The following ZNF100 variants were observed in gnomAD, a reference collection of about 807,000 sequenced individuals.
The protein encoded by ZNF100 is zinc finger protein 100 (Y1).
ZNF100 carries 12 observed loss-of-function variants against 15.8 expected under a neutral mutation model. The observed-to-expected ratio is 0.76, with a 90% CI of 0.49 to 1.23. The LOEUF (loss-of-function observed/expected upper bound fraction) is 1.23, where lower values mean the gene tolerates loss of function less well. Among genes scored for constraint, ZNF100 ranks in the 50% most tolerant of loss-of-function variants. The pLI is 0.00. For synonymous variants in ZNF100, 226 were observed against 214.8 expected, an observed-to-expected ratio of 1.05 and a Z score of -0.45; for missense variants, 670 against 635.6, an observed-to-expected ratio of 1.05 and a Z score of -0.58.
At chr19:21,739,416 C>T (rs1293212804) in intron 4 of ZNF100, among the ~76,000 whole-genome samples, 5 of 152,070 alleles carry the variant, frequency 3.3e-5, no homozygotes, top group African/African-American at 1.2e-4. Context: ...ATTAGCCAGG[C>T]ATGGTAGTGC....
intron 4 of ZNF100, among the ~76,000 whole-genome samples, chr19:21,737,621 A>G (rs1447828979): frequency 6.6e-6 from 1 of 152,178 alleles, no homozygotes; most frequent in East Asian, 1.9e-4. Flanking sequence ...TAAACTGGAA[A>G]ATCTAGAAGA....
At position 21,726,880 on chromosome 19, in the gene ZNF100, T is replaced by C. The variant is rs1381740947; in HGVS notation, c.1432A>G (p.Ile478Val). 4 of 1,613,262 alleles carry C rather than the reference T, an allele frequency of 2.5e-6. No homozygotes were observed. The highest frequency in any genetic ancestry group is 2.7e-5 in the African/African-American group (2 of 74,886). The change falls in exon 5 of 5, where the codon ATT becomes GTT. Residue 478 changes from isoleucine (I) to valine (V), a missense_variant. Ile to Val is a conservative substitution (Grantham distance 29, BLOSUM62 3). Transcript: ENST00000358296. The stretch of plus-strand genomic sequence containing the variant: ...TTGTAGGGTTTCTCTCCAGTATGAA[T>C]CATCTTATGTGCAGTTAGTTGTGAG... ...RSSQLTAHKM[I>V]HTGEKPYKCE...
intron 4 of ZNF100, among the ~76,000 whole-genome samples, chr19:21,732,850 T>A (rs2035943488): frequency 6.6e-6 from 1 of 152,060 alleles, no homozygotes; most frequent in African/African-American, 2.4e-5. Flanking sequence ...AAAATTATTT[T>A]ACTTCAAAAA....
At chr19:21,738,618 G>C (rs1178494446) in intron 4 of ZNF100, among the ~76,000 whole-genome samples, 2 of 152,106 alleles carry the variant, frequency 1.3e-5, no homozygotes, top group African/African-American at 4.8e-5. Context: ...CATATACAGA[G>C]AATGGAAACT....
chr19:21,741,885 C>G (rs1345133417), intron 4 of ZNF100, among the ~76,000 whole-genome samples: 1 of 152,032 alleles, frequency 6.6e-6, no homozygotes, highest in South Asian at 2.1e-4. Context: ...CCTGTGTTGC[C>G]CTGGCTGGTC....
intron 4 of ZNF100, among the ~76,000 whole-genome samples, chr19:21,729,722 T>G (rs1304388202): frequency 6.6e-6 from 1 of 152,122 alleles, no homozygotes; most frequent in Admixed American, 6.6e-5. Context: ...ATCATAATGG[T>G]GCAGAAAACA....
intron 4 of ZNF100, among the ~76,000 whole-genome samples, chr19:21,739,648 A>C (rs1385257352): frequency 6.6e-6 from 1 of 152,180 alleles, no homozygotes; most frequent in Non-Finnish European, 1.5e-5. Context: ...TTAAAAGCAA[A>C]AGTAAAACTG....
At chr19:21,731,021 A>G (rs2035907348) in intron 4 of ZNF100, among the ~76,000 whole-genome samples, 1 of 152,164 alleles carries the variant, frequency 6.6e-6, no homozygotes, top group Non-Finnish European at 1.5e-5. Context: ...CAACAACCCC[A>G]AAAGTATATA....
chr19:21,759,050 T>C (rs1220832107), intron 2 of ZNF100, among the ~76,000 whole-genome samples: 1 of 152,170 alleles, frequency 6.6e-6, no homozygotes, highest in East Asian at 1.9e-4. Flanking sequence ...TCTGACACCA[T>C]GCAGAGTCAG....
Position 21,756,754 on chromosome 19 carries a change from G to A in ZNF100, c.96+8940C>T, listed in dbSNP as rs141928502. On this transcript the variant is annotated intron_variant, in intron 2 of 4. Transcript: ENST00000358296. ...AACTTAACTATTTTAAAATTTATAT[G>A]GAACTAAAATAAGCCTGAATAGCCA... is the stretch of plus-strand genomic sequence containing the variant. 3.5e-3 allele frequency among the ~76,000 whole-genome samples: 527 copies of A among 152,190 alleles called. 6 individuals are homozygous for A. Among genetic ancestry groups the A allele is most frequent in the African/African-American group, 0.012 (508 of 41,522 alleles).
intron 2 of ZNF100, among the ~76,000 whole-genome samples, chr19:21,754,243 A>G (rs1841580089): frequency 6.6e-6 from 1 of 152,108 alleles, no homozygotes; most frequent in Admixed American, 6.5e-5. Flanking sequence ...CCTCAAAAAA[A>G]AAACAACAAA....
chr19:21,750,651 G>A (rs1463946889), intron 2 of ZNF100: 10 of 208,138 alleles, frequency 4.8e-5, no homozygotes, highest in Non-Finnish European at 7.6e-5. Context: ...GCGGCAGCGC[G>A]GCGAGCGTGC....
At chr19:21,738,361 T>C (rs984490203) in intron 4 of ZNF100, among the ~76,000 whole-genome samples, 4 of 132,818 alleles carry the variant, frequency 3.0e-5, no homozygotes, top group Non-Finnish European at 6.3e-5. Flanking sequence ...GCCAAGACAA[T>C]CTTAGGCAAA....
rs959302906 is a variant in ZNF100 at position 21,746,506 on chromosome 19, T to C, written c.97-1439A>G. On this transcript the variant is annotated intron_variant, in intron 2 of 4. Coordinates refer to ENST00000358296, the MANE Select transcript of ZNF100 (RefSeq NM_173531.4). ...CCACGTAAACCCCAGCTTTCCCCAA[T>C]AGGAATCTTGAGTATCCACATCCTT... Among the ~76,000 whole-genome samples, 3 of 152,134 alleles carry C rather than the reference T, an allele frequency of 2.0e-5. No homozygotes were observed. The East Asian group carries it at 5.8e-4, about 29-fold the overall frequency.
At chr19:21,766,299 C>A (rs913048115) in intron 1 of ZNF100, among the ~76,000 whole-genome samples, 2 of 151,804 alleles carry the variant, frequency 1.3e-5, no homozygotes, top group Non-Finnish European at 2.9e-5. Context: ...TTAGACTTAA[C>A]AACCTGCTTG....
At chr19:21,728,289 GTC>G (rs2035851759) in intron 4 of ZNF100, among the ~76,000 whole-genome samples, 1 of 152,156 alleles carries the variant, frequency 6.6e-6, no homozygotes, top group Admixed American at 6.5e-5. Context: ...ATAACATACT[GTC>G]TTTAGAAGTA....
intron 4 of ZNF100, among the ~76,000 whole-genome samples, chr19:21,739,152 A>G (rs910025506): frequency 2.6e-5 from 4 of 152,236 alleles, no homozygotes; most frequent in African/African-American, 9.6e-5. Flanking sequence ...CATCCAAACC[A>G]TATCACAGAC....
intron 1 of ZNF100, 131 bp downstream of exon 1, chr19:21,767,296 G>A (rs1033188325): frequency 1.1e-5 from 16 of 1,509,668 alleles, no homozygotes; most frequent in African/African-American, 4.1e-5. Context: ...GAAGGGGACG[G>A]AGGCCGAGCT....
chr19:21,763,461 G>A (rs916248863), intron 2 of ZNF100, among the ~76,000 whole-genome samples: 16 of 152,030 alleles, frequency 1.1e-4, no homozygotes, highest in South Asian at 2.1e-4. Context: ...ATGGTGGCAC[G>A]CACCTGTATT....
Sources: gnomAD v4.1 joint callset for allele counts (sites outside exome capture counted in the v4.1 genomes callset) on GRCh38, gnomAD v4.1.1 for gene constraint, MANE v1.5 for transcripts, NCBI Gene and HGNC (gene_info 2026-07-23, HGNC 2026-07-21) for gene names.